The following SETX variants were observed in gnomAD, a reference collection of about 807,000 sequenced individuals.
SETX encodes helicase senataxin.
SETX carries 90 observed loss-of-function variants against 227.2 expected under a neutral mutation model. That is an observed-to-expected ratio of 0.40 (90% CI 0.33 to 0.47). SETX has a LOEUF of 0.47. Among genes scored for constraint, SETX ranks in the 20% least tolerant of loss-of-function variants. The pLI, the probability that SETX is intolerant of heterozygous loss-of-function variation, is 0.91. For synonymous variants in SETX, 1,210 were observed against 1,113.2 expected, an observed-to-expected ratio of 1.09 and a Z score of -1.73; for missense variants, 3,052 against 3,181.5, an observed-to-expected ratio of 0.96 and a Z score of 0.98.
intron 23 of SETX, among the ~76,000 whole-genome samples, chr9:132,273,275 G>A (rs2131156591): frequency 1.3e-5 from 2 of 152,126 alleles, no homozygotes; most frequent in Middle Eastern, 6.8e-3. Flanking sequence ...TGATTCTCCT[G>A]CCTCACCCTC....
At chr9:132,353,822 G>C (rs568125993) in intron 1 of SETX, 67 bp from the exon 2 acceptor site, 40 of 152,300 alleles carry the variant, frequency 2.6e-4, no homozygotes, top group African/African-American at 9.6e-4. Flanking sequence ...ATCTGAGCCT[G>C]GTATCGATCC....
At chr9:132,355,562 T>TC (rs1848867407), upstream of SETX, among the ~76,000 whole-genome samples, 1 of 151,808 alleles carries the variant, frequency 6.6e-6, no homozygotes, top group Non-Finnish European at 1.5e-5. Context: ...AATCCCTCGC[T>TC]GGTGCGGTGG....
At chr9:132,321,619 T>C (rs1418611559) in intron 10 of SETX, among the ~76,000 whole-genome samples, 2 of 135,042 alleles carry the variant, frequency 1.5e-5, no homozygotes, top group Non-Finnish European at 3.0e-5. Flanking sequence ...ATCATGCCAC[T>C]GCACTCCAGC....
chr9:132,342,841 CTTA>C, intron 4 of SETX, 42 bp from the exon 5 acceptor site: 1 of 1,401,778 alleles, frequency 7.1e-7, no homozygotes, highest in South Asian at 1.2e-5. Context: ...ATCTTATCAC[CTTA>C]TCAAGATTCC....
intron 7 of SETX, among the ~76,000 whole-genome samples, chr9:132,333,915 AT>A (rs2131487376): frequency 6.6e-6 from 1 of 152,282 alleles, no homozygotes; most frequent in Non-Finnish European, 1.5e-5. Context: ...ATTGACTTAA[AT>A]TTATTTTAAT....
At position 132,262,496 on chromosome 9, in the gene SETX, G is replaced by A. The variant is rs1013211215; in HGVS notation, c.*1743C>T. On this transcript the variant is annotated 3_prime_UTR_variant, in exon 26 of 26. Transcript: ENST00000224140. ...ATAGAGCCCTTGACCCAGACAGAAT[G>A]GGACCCATCCCTACCCGTCCTGAAC... The A allele has an allele frequency of 6.6e-6, 1 of 152,246 alleles. No individual in the cohort carries two copies. Among genetic ancestry groups the A allele is most frequent in the Non-Finnish European group, 1.5e-5 (1 of 68,040 alleles). 9.4% of individuals were successfully genotyped at this position (152,246 alleles called of 1,614,324 possible).
chr9:132,326,538 G>T lies in SETX; in HGVS notation c.5060C>A (p.Pro1687Gln), dbSNP rs1252706883. The T allele has an allele frequency of 2.5e-6, 4 of 1,614,166 alleles. No homozygotes were observed. The highest frequency in any genetic ancestry group is 2.5e-6 in the Non-Finnish European group (3 of 1,180,022). Residue 1687 changes from proline to glutamine, a missense_variant, in exon 10 of 26, where the codon CCA becomes CAA. By Grantham distance (76) the Pro-to-Gln change is moderately conservative. Coordinates refer to ENST00000224140, the MANE Select transcript of SETX (RefSeq NM_015046.7). ...CTGTGATGACAAAAGAATGTTTACTGGAGAGGAAGATGGAAAATATTTGCT... is the reference window on the plus strand; with the variant it reads ...CTGTGATGACAAAAGAATGTTTACTTGAGAGGAAGATGGAAAATATTTGCT... ...GESKYFPSSS[P>Q]VNILLSSQSV...
intron 5 of SETX, among the ~76,000 whole-genome samples, chr9:132,340,554 TC>T (rs1847896909): frequency 6.6e-6 from 1 of 152,168 alleles, no homozygotes; most frequent in Non-Finnish European, 1.5e-5. Flanking sequence ...ACGTACTCAC[TC>T]ACTGCCACGC....
In SETX at chr9:132,269,336, C is replaced by T. The variant is rs2274562; in HGVS notation, c.7287+279G>A. 0.13 allele frequency: 159,198 copies of T among 1,204,860 alleles called. 13,570 individuals carry two copies. Among genetic ancestry groups the T allele is most frequent in the East Asian group, 0.44 (10,239 of 23,518 alleles). 74.6% of individuals were successfully genotyped at this position (1,204,860 alleles called of 1,614,324 possible). A position where few individuals can be genotyped will look rare whatever the true frequency, so the allele number is the denominator to read the frequency against. On this transcript the variant is annotated intron_variant, in intron 25 of 25. Coordinates refer to ENST00000224140, the MANE Select transcript of SETX (RefSeq NM_015046.7). ...AAGCAATTGCTTTGGCACTTTACAT[C>T]TGTGGGTTTAATATACCTTCTTAAC...
chr9:132,264,173 T>G lies in SETX; in HGVS notation c.*66A>C. ...ACAAAAAACAAGCTTATCTAGATGG[T>G]CCCACGAGCTGGTCATCTTCAGTTT... On this transcript the variant is annotated 3_prime_UTR_variant, in exon 26 of 26. Coordinates refer to ENST00000224140, the MANE Select transcript of SETX (RefSeq NM_015046.7). 1 of 1,606,332 alleles carries G rather than the reference T, an allele frequency of 6.2e-7. No homozygotes were observed. The highest frequency in any genetic ancestry group is 8.5e-7 in the Non-Finnish European group (1 of 1,177,424).
At position 132,330,192 on chromosome 9, in the gene SETX, T is replaced by C. The variant is rs1554821887; in HGVS notation, c.1406A>G (p.His469Arg). Residue 469 changes from histidine (H) to arginine (R), a missense_variant, in exon 10 of 26, where the codon CAT (histidine) becomes CGT (arginine). Physicochemically the swap from His to Arg is conservative, Grantham distance 29 (BLOSUM62 0). Around this residue, in one of 10 missense-constraint regions of SETX, gnomAD observed 179 missense variants for 197.1 expected, o/e 0.91. Coordinates refer to ENST00000224140, the MANE Select transcript of SETX (RefSeq NM_015046.7). The stretch of plus-strand genomic sequence containing the variant: ...CAAATGCAAACATTTTTTATTTCTA[T>C]GCAGTTCAATCACTGATACCAAAAT... ...LLILVSVIEL[H>R]RNKKCLHLLW... 3 of 1,587,466 alleles carry C rather than the reference T, an allele frequency of 1.9e-6. No homozygotes were observed. Among genetic ancestry groups the C allele is most frequent in the Non-Finnish European group, 2.6e-6 (3 of 1,165,146 alleles).
intron 5 of SETX, among the ~76,000 whole-genome samples, chr9:132,341,537 C>T (rs1847962865): frequency 6.6e-6 from 1 of 152,192 alleles, no homozygotes; most frequent in Admixed American, 6.5e-5. Flanking sequence ...CTACTATCAG[C>T]AGCTCAGGGC....
At chr9:132,356,523 C>G (rs1564174953), upstream of SETX, among the ~76,000 whole-genome samples, 2 of 152,112 alleles carry the variant, frequency 1.3e-5, no homozygotes, top group Non-Finnish European at 2.9e-5. Context: ...TTAGTAACGC[C>G]TACTACTGAC....
rs1229311422 is a variant in SETX, at chr9:132,336,535, ATTACTTAATTCAAT to A, written c.499-34_499-21del. 1 of 1,531,194 alleles carries A rather than the reference ATTACTTAATTCAAT, an allele frequency of 6.5e-7. No homozygotes were observed. The highest frequency in any genetic ancestry group is 1.1e-5 in the South Asian group (1 of 89,370). The allele number at this position is 1,531,194 out of a possible 1,614,324, so 94.9% of individuals were successfully genotyped here. A position where few individuals can be genotyped will look rare whatever the true frequency, so the allele number is the denominator to read the frequency against. On this transcript the variant is annotated intron_variant, in intron 5 of 25. Coordinates refer to ENST00000224140, the MANE Select transcript of SETX (RefSeq NM_015046.7). ...CCGAACCTAAATGCAGAATATATTT[ATTACTTAATTCAAT>A]AAACAATGGTCTACAAACAGCAAGA... is the stretch of plus-strand genomic sequence containing the variant.
intron 11 of SETX, 36 bp from the exon 12 acceptor site, chr9:132,300,839 C>A: frequency 1.9e-6 from 3 of 1,549,510 alleles, no homozygotes; most frequent in Non-Finnish European, 2.6e-6. Flanking sequence ...TCATATAACT[C>A]TAATAGAATT....
intron 13 of SETX, 22 bp downstream of exon 13, chr9:132,298,058 A>G (rs576785159): frequency 6.5e-7 from 1 of 1,537,178 alleles, no homozygotes; most frequent in Admixed American, 1.7e-5. Context: ...GAAATTATCT[A>G]GTATCATACA....
At chr9:132,342,507 C>T (rs1465364622) in intron 5 of SETX, among the ~76,000 whole-genome samples, 183 bp downstream of exon 5, 1 of 152,200 alleles carries the variant, frequency 6.6e-6, no homozygotes, top group Non-Finnish European at 1.5e-5. Context: ...TAAGTATCCC[C>T]TACCCTCTGA....
At chr9:132,301,129 G>A (rs916976460) in intron 11 of SETX, among the ~76,000 whole-genome samples, 6 of 131,092 alleles carry the variant, frequency 4.6e-5, no homozygotes, top group Non-Finnish European at 9.4e-5. Flanking sequence ...GTCTCGCTGT[G>A]TTGCCCAGGC....
intron 11 of SETX, among the ~76,000 whole-genome samples, chr9:132,302,640 A>G (rs934827551): frequency 6.1e-5 from 9 of 148,028 alleles, no homozygotes; most frequent in Non-Finnish European, 1.3e-4. Flanking sequence ...AGCCTGGGCA[A>G]CAAGAGTGAG....
Sources: gnomAD v4.1 joint callset for allele counts (sites outside exome capture counted in the v4.1 genomes callset) on GRCh38, gnomAD v4.1.1 for gene constraint, gnomAD v4.1.1 regional missense constraint, MANE v1.5 for transcripts, NCBI Gene and HGNC (gene_info 2026-07-23, HGNC 2026-07-21) for gene names.